DLG2: variants seen among roughly 807,000 people sequenced by gnomAD.
DLG2 encodes the protein discs large MAGUK scaffold protein 2.
In DLG2, 45 loss-of-function variants were observed where a neutral mutation model predicts 132.5. The observed-to-expected ratio is 0.34, with a 90% confidence interval of 0.27 to 0.44. The LOEUF (loss-of-function observed/expected upper bound fraction) is 0.44. Among genes scored for constraint, DLG2 ranks in the 20% least tolerant of loss-of-function variants. DLG2 has a pLI of 1.00. For missense variants in DLG2, 1,045 were observed against 1,196.9 expected (o/e 0.87, Z 1.87); for synonymous variants, 424 against 419.6 (o/e 1.01, Z -0.13).
chr11:85,517,080 A>G (rs1390282198), intron 3 of DLG2, among the ~76,000 whole-genome samples: 1 of 152,160 alleles, frequency 6.6e-6, no homozygotes, highest in Non-Finnish European at 1.5e-5. Flanking sequence ...GTACACCATG[A>G]TCAAGTAGGG....
chr11:83,950,923 C>T (rs569551495), intron 14 of DLG2, among the ~76,000 whole-genome samples: 4 of 152,096 alleles, frequency 2.6e-5, no homozygotes, highest in South Asian at 2.1e-4. Flanking sequence ...CCTGCCCCCC[C>T]CTCCACACTT....
At chr11:84,306,806 C>T (rs1420868231) in intron 7 of DLG2, among the ~76,000 whole-genome samples, 3 of 152,150 alleles carry the variant, frequency 2.0e-5, no homozygotes, top group Non-Finnish European at 4.4e-5. Flanking sequence ...AGTGCTTTCT[C>T]ACCAGTCAGA....
At chr11:83,759,166 G>A (rs961999614) in intron 18 of DLG2, among the ~76,000 whole-genome samples, 2 of 152,114 alleles carry the variant, frequency 1.3e-5, no homozygotes, top group African/African-American at 4.8e-5. Context: ...TGTCTATATA[G>A]GTAAAGTACA....
chr11:84,564,294 G>A (rs1241386349), intron 6 of DLG2, among the ~76,000 whole-genome samples: 2 of 152,282 alleles, frequency 1.3e-5, no homozygotes, highest in Admixed American at 6.5e-5. Flanking sequence ...AGAAGAGTGA[G>A]CAAGAAGCTG....
chr11:84,174,033 T>TTTTTTTTTTC (rs1421098495), intron 8 of DLG2, among the ~76,000 whole-genome samples: 4 of 142,674 alleles, frequency 2.8e-5, no homozygotes, highest in African/African-American at 1.1e-4. Context: ...TTTTTTTTTT[T>TTTTTTTTTTC]TTTCTGAGTA....
At chr11:84,455,696 C>T (rs1257416497) in intron 7 of DLG2, among the ~76,000 whole-genome samples, 1 of 151,304 alleles carries the variant, frequency 6.6e-6, no homozygotes, top group African/African-American at 2.4e-5. Flanking sequence ...GACTTTTATT[C>T]TACTTTTCAT....
At chr11:84,355,377 G>C (rs1180867668) in intron 7 of DLG2, among the ~76,000 whole-genome samples, 1 of 151,980 alleles carries the variant, frequency 6.6e-6, no homozygotes, top group African/African-American at 2.4e-5. Flanking sequence ...GGACCTTTGG[G>C]AGGTGACTGG....
chr11:84,063,641 C>T (rs2096625748), intron 10 of DLG2, among the ~76,000 whole-genome samples: 1 of 152,106 alleles, frequency 6.6e-6, no homozygotes, highest in African/African-American at 2.4e-5. Context: ...ATAAATCATG[C>T]TGCTATAAAG....
chr11:84,826,728 G>T (rs932683228), intron 6 of DLG2, among the ~76,000 whole-genome samples: 3 of 151,660 alleles, frequency 2.0e-5, no homozygotes, highest in African/African-American at 7.3e-5. Context: ...GCACTGCCAT[G>T]GTGTGAGGTG....
intron 17 of DLG2, among the ~76,000 whole-genome samples, chr11:83,804,445 A>G (rs1406305398): frequency 6.6e-6 from 1 of 151,994 alleles, no homozygotes; most frequent in Non-Finnish European, 1.5e-5. Context: ...AAAATTTCAA[A>G]TTATAGAAAA....
chr11:83,681,564 C>G (rs941876022), intron 18 of DLG2, among the ~76,000 whole-genome samples: 6 of 152,136 alleles, frequency 3.9e-5, no homozygotes, highest in African/African-American at 1.4e-4. Flanking sequence ...TCAACAGGCA[C>G]GCCAAATGCA....
At chr11:85,432,219 G>C (rs2091233210) in intron 3 of DLG2, among the ~76,000 whole-genome samples, 1 of 152,188 alleles carries the variant, frequency 6.6e-6, no homozygotes. Flanking sequence ...AGATGAGAAA[G>C]AATCAATGAA....
chr11:83,659,912 T>C (rs1339033228), intron 18 of DLG2, among the ~76,000 whole-genome samples: 1 of 152,268 alleles, frequency 6.6e-6, no homozygotes, highest in African/African-American at 2.4e-5. Context: ...TTTCATTTTG[T>C]GGCCCTCAGA....
At chr11:83,977,877 A>G (rs2092415415) in intron 12 of DLG2, among the ~76,000 whole-genome samples, 1 of 152,110 alleles carries the variant, frequency 6.6e-6, no homozygotes, top group Non-Finnish European at 1.5e-5. Context: ...CACCTAGTGC[A>G]CTATGAGTTA....
At chr11:83,581,181 C>G (rs1223397381) in intron 19 of DLG2, among the ~76,000 whole-genome samples, 1 of 151,970 alleles carries the variant, frequency 6.6e-6, no homozygotes, top group Non-Finnish European at 1.5e-5. Context: ...ACACACAACT[C>G]TAATCCTGCC....
chr11:84,045,710 T>C (rs2096227882), intron 11 of DLG2, among the ~76,000 whole-genome samples: 1 of 151,554 alleles, frequency 6.6e-6, no homozygotes. Flanking sequence ...TGCCAAAATT[T>C]ATAGAAATTT....
intron 8 of DLG2, among the ~76,000 whole-genome samples, chr11:84,229,582 T>C (rs2097060512): frequency 6.6e-6 from 1 of 152,146 alleles, no homozygotes; most frequent in African/African-American, 2.4e-5. Flanking sequence ...AAAATGCAGA[T>C]TCAGAAGGTC....
At chr11:84,945,069 T>A (rs1021629684) in intron 6 of DLG2, among the ~76,000 whole-genome samples, 1 of 152,168 alleles carries the variant, frequency 6.6e-6, no homozygotes, top group African/African-American at 2.4e-5. Flanking sequence ...TGAGGTCATG[T>A]TTTCGTAGAT....
chr11:85,021,871 A>G (rs1256143413), intron 6 of DLG2, among the ~76,000 whole-genome samples: 3 of 152,160 alleles, frequency 2.0e-5, no homozygotes, highest in African/African-American at 7.2e-5. Context: ...TTCACACGTC[A>G]TGGAACTATA....
Sources: gnomAD v4.1 joint callset for allele counts (sites outside exome capture counted in the v4.1 genomes callset) on GRCh38, gnomAD v4.1.1 for gene constraint, MANE v1.5 for transcripts, NCBI Gene and HGNC (gene_info 2026-07-23, HGNC 2026-07-21) for gene names.